SURF4: variants seen among roughly 807,000 people sequenced by gnomAD.
SURF4 encodes surfeit 4, also known as surfeit locus protein 4.
Under a neutral mutation model 30.0 loss-of-function variants are expected in SURF4, and 3 were observed. The observed-to-expected ratio is 0.10, with a 90% CI of 0.05 to 0.26. The LOEUF (loss-of-function observed/expected upper bound fraction) is 0.26. SURF4 is among the 10% of genes least tolerant of loss of function. The probability of loss-of-function intolerance (pLI) is 1.00; values close to 1 mark genes in which losing one functional copy is unlikely to be tolerated. For synonymous variants in SURF4, 143 were observed against 139.9 expected, an observed-to-expected ratio of 1.02 and a Z score of -0.16; for missense variants, 217 against 350.8, an observed-to-expected ratio of 0.62 and a Z score of 3.05.
chr9:133,362,750 G>GC lies in SURF4; in HGVS notation c.*742dup, dbSNP rs1836896707. ...AGCCCTTCCCACTGCCAGCTTGGAG[G>GC]CCAGCAGCACCCAGACCAGCAGCTT... On this transcript the variant is annotated 3_prime_UTR_variant, in exon 6 of 6. Coordinates refer to ENST00000371989, the MANE Select transcript of SURF4 (RefSeq NM_033161.4). 2 of 154,494 alleles carry GC rather than the reference G, an allele frequency of 1.3e-5. No individual in the cohort carries two copies. The highest frequency in any genetic ancestry group is 4.8e-5 in the African/African-American group (2 of 41,428). The allele number at this position is 154,494 out of a possible 1,614,324, so 9.6% of individuals were successfully genotyped here.
chr9:133,372,597 T>A, intron 1 of SURF4: 1 of 985,468 alleles, frequency 1.0e-6, no homozygotes, highest in Non-Finnish European at 1.2e-6. Context: ...TAGGTCTTGC[T>A]TTCAGCAGCC....
intron 2 of SURF4, 112 bp from the exon 3 acceptor site, chr9:133,366,787 C>G: frequency 1.1e-6 from 1 of 879,172 alleles, no homozygotes; most frequent in East Asian, 2.6e-5. Context: ...GCCAAACCAC[C>G]TACCCAAGCA....
rs1156663861 is a variant in SURF4, at chr9:133,372,596, CT to C, written c.48+3325del. The C allele has an allele frequency of 5.1e-6, 5 of 985,358 alleles. No individual in the cohort carries two copies. In the Admixed American group the frequency reaches 2.5e-4, roughly 48 times the overall value. 61.0% of individuals were successfully genotyped at this position (985,358 alleles called of 1,614,324 possible). A position where few individuals can be genotyped will look rare whatever the true frequency, so the allele number is the denominator to read the frequency against. On this transcript the variant is annotated intron_variant, in intron 1 of 5. Transcript: ENST00000371989. ...GGAAACTAAGCTTACTTAGGTCTTG[CT>C]TTCAGCAGCCCACACTTTCTGGTCA...
At chr9:133,369,406 G>A (rs1837372785) in intron 1 of SURF4, among the ~76,000 whole-genome samples, 1 of 152,194 alleles carries the variant, frequency 6.6e-6, no homozygotes. Flanking sequence ...GACACGCCCA[G>A]TTACTTTTTT....
At chr9:133,370,595 T>C (rs1204088283) in intron 1 of SURF4, among the ~76,000 whole-genome samples, 4 of 152,208 alleles carry the variant, frequency 2.6e-5, no homozygotes, top group African/African-American at 7.2e-5. Context: ...AACCATGTCA[T>C]GCCACTCTAG....
At chr9:133,375,272 T>C (rs886741084) in intron 1 of SURF4, 37 of 985,324 alleles carry the variant, frequency 3.8e-5, no homozygotes, top group Admixed American at 6.1e-5. Flanking sequence ...ATCAGGGAGA[T>C]AGGCTTCCCC....
chr9:133,367,184 C>G (rs967025401), intron 2 of SURF4, 75 bp downstream of exon 2: 2 of 1,547,894 alleles, frequency 1.3e-6, no homozygotes, highest in Non-Finnish European at 1.8e-6. Flanking sequence ...CCCGAGTTCA[C>G]ACACAGCCTC....
chr9:133,366,175 G>A, intron 3 of SURF4, 147 bp from the exon 4 acceptor site: 1 of 734,208 alleles, frequency 1.4e-6, no homozygotes, highest in Non-Finnish European at 2.2e-6. Flanking sequence ...ACAGATCTAA[G>A]CTCAAAAATG....
chr9:133,375,794 T>C (rs1837876597), intron 1 of SURF4, 128 bp downstream of exon 1: 1 of 951,144 alleles, frequency 1.1e-6, no homozygotes, highest in East Asian at 3.7e-5. Flanking sequence ...GGCGGGGGGG[T>C]CCCCCTGTGG....
At chr9:133,376,319 G>A (rs1476029858), upstream of SURF4, 1 of 1,357,308 alleles carries the variant, frequency 7.4e-7, no homozygotes, top group South Asian at 1.8e-5. Context: ...CCCTTTTAAG[G>A]GGGCGGGGAC....
At chr9:133,367,503 T>G (rs2130144124) in intron 1 of SURF4, 58 bp from the exon 2 acceptor site, 2 of 1,603,868 alleles carry the variant, frequency 1.2e-6, no homozygotes, top group Non-Finnish European at 1.7e-6. Context: ...ACCAGGCCGC[T>G]GCCAGGCACG....
intron 1 of SURF4, among the ~76,000 whole-genome samples, chr9:133,374,491 T>C (rs2130224871): frequency 0.06 from 9,103 of 151,756 alleles, 879 homozygotes; most frequent in African/African-American, 0.2. Context: ...AACCCAGGAG[T>C]TGGAGGTTGT....
intron 4 of SURF4, among the ~76,000 whole-genome samples, 158 bp from the exon 5 acceptor site, chr9:133,365,184 C>G (rs1290839223): frequency 6.6e-6 from 1 of 152,118 alleles, no homozygotes; most frequent in Non-Finnish European, 1.5e-5. Context: ...CAGGCATGCG[C>G]ACAGGACCTC....
chr9:133,364,454 G>A (rs2130102909), intron 5 of SURF4, among the ~76,000 whole-genome samples: 10 of 152,188 alleles, frequency 6.6e-5, no homozygotes, highest in African/African-American at 2.2e-4. Context: ...AATTTGGGAG[G>A]CTGAGACAGG....
intron 1 of SURF4, among the ~76,000 whole-genome samples, chr9:133,373,729 C>A (rs952124314): frequency 6.7e-6 from 1 of 150,080 alleles, no homozygotes; most frequent in Non-Finnish European, 1.5e-5. Context: ...ACCAGCCTGG[C>A]CAACATGGGG....
At chr9:133,376,191 C>T, upstream of SURF4, 3 of 1,253,136 alleles carry the variant, frequency 2.4e-6, no homozygotes, top group South Asian at 3.1e-5. Flanking sequence ...CCATCCCCAG[C>T]CTCCCGACCC....
upstream of SURF4, among the ~76,000 whole-genome samples, chr9:133,377,579 C>G (rs1293343075): frequency 6.6e-6 from 1 of 152,166 alleles, no homozygotes; most frequent in Admixed American, 6.5e-5. Context: ...TGGAGAATCG[C>G]TTGAACCCAG....
intron 3 of SURF4, 77 bp downstream of exon 3, chr9:133,366,522 C>T: frequency 4.0e-6 from 6 of 1,493,942 alleles, no homozygotes; most frequent in Non-Finnish European, 4.6e-6. Flanking sequence ...TGACACTGAA[C>T]CCTCAAGGAT....
At chr9:133,376,402 C>G, upstream of SURF4, 5 of 1,459,894 alleles carry the variant, frequency 3.4e-6, no homozygotes, top group Non-Finnish European at 4.5e-6. Context: ...GGGGAGGATC[C>G]CGCGGGTCCC....
Sources: gnomAD v4.1 joint callset for allele counts (sites outside exome capture counted in the v4.1 genomes callset) on GRCh38, gnomAD v4.1.1 for gene constraint, MANE v1.5 for transcripts, NCBI Gene and HGNC (gene_info 2026-07-23, HGNC 2026-07-21) for gene names.